The following TPM2 variants were observed in gnomAD, a reference collection of about 807,000 sequenced individuals.
The protein encoded by TPM2 is tropomyosin 2.
A neutral mutation model predicts 41.0 loss-of-function variants in TPM2; 26 were observed. The observed-to-expected ratio is 0.63, with a 90% CI of 0.46 to 0.88. The LOEUF (loss-of-function observed/expected upper bound fraction) is 0.88, where lower values mean the gene tolerates loss of function less well. TPM2 is among the 40% of genes least tolerant of loss of function. The probability of loss-of-function intolerance (pLI) is 0.00; values close to 1 mark genes in which losing one functional copy is unlikely to be tolerated. For synonymous variants in TPM2, 143 were observed against 139.3 expected, an observed-to-expected ratio of 1.03 and a Z score of -0.19; for missense variants, 187 against 355.2, an observed-to-expected ratio of 0.53 and a Z score of 3.81.
At chr9:35,689,585 C>T (rs1010914137) in intron 1 of TPM2, 119 bp downstream of exon 1, 1 of 1,563,344 alleles carries the variant, frequency 6.4e-7, no homozygotes, top group South Asian at 1.1e-5. Context: ...GAAGGCCCAG[C>T]CCCCACCCTG....
intron 2 of TPM2, 44 bp downstream of exon 2, chr9:35,689,102 C>G: frequency 1.2e-6 from 2 of 1,613,316 alleles, no homozygotes; most frequent in Non-Finnish European, 1.7e-6. Context: ...GGGCCCCTTC[C>G]CAGAGCCCTA....
chr9:35,682,421 C>G, downstream of TPM2: 1 of 1,270,900 alleles, frequency 7.9e-7, no homozygotes, highest in South Asian at 1.6e-5. Flanking sequence ...ACTACTTTAT[C>G]CTCTTCTTTA....
chr9:35,689,880 G>A lies in TPM2; in HGVS notation c.-63C>T, dbSNP rs1319112277. The A allele has an allele frequency of 7.5e-6, 12 of 1,610,316 alleles. No individual in the cohort carries two copies. The highest frequency in any genetic ancestry group is 9.3e-6 in the Non-Finnish European group (11 of 1,178,806). ...GGACCGGACGGACTGGGCTGGGTGA[G>A]CGGACTGGGTGCACCGGTGGCAGGC... On this transcript the variant is annotated 5_prime_UTR_variant, in exon 1 of 9. Transcript: ENST00000645482.
chr9:35,689,643 G>A (rs1249479488), intron 1 of TPM2, 61 bp downstream of exon 1: 1 of 1,602,870 alleles, frequency 6.2e-7, no homozygotes, highest in Non-Finnish European at 8.5e-7. Flanking sequence ...GGGACCCATG[G>A]CAGCGGCCCA....
At chr9:35,689,039 G>T in intron 2 of TPM2, 107 bp downstream of exon 2, 2 of 1,316,574 alleles carry the variant, frequency 1.5e-6, no homozygotes, top group African/African-American at 1.4e-5. Context: ...CTCTCCTGGC[G>T]CTGGGGACAT....
At position 35,684,795 on chromosome 9, in the gene TPM2, G is replaced by T; in HGVS notation, c.576C>A (p.Asp192Glu). 1 of 1,608,994 alleles carries T rather than the reference G, an allele frequency of 6.2e-7. No homozygotes were observed. Among genetic ancestry groups the T allele is most frequent in the Non-Finnish European group, 8.5e-7 (1 of 1,179,012 alleles). The part of the protein sequence containing the change: ...RAEVAESKCG[D>E]LEEELKIVTN... ...TAACAATTTTCAGCTCCTCCTCTAG[G>T]TCCCCACATTTACTGCAGGGGGTGT... Residue 192 changes from aspartate to glutamate, a missense_variant, in exon 6 of 9, where the codon GAC becomes GAA. Physicochemically the swap from Asp to Glu is conservative, Grantham distance 45. Transcript: ENST00000645482.
chr9:35,684,906 A>C, intron 5 of TPM2, 99 bp from the exon 6 acceptor site: 4 of 1,611,020 alleles, frequency 2.5e-6, no homozygotes, highest in Non-Finnish European at 3.4e-6. Context: ...AGAGAAGAGA[A>C]GAGCAAAGTT....
chr9:35,689,635 G>C lies in TPM2; in HGVS notation c.114+69C>G, dbSNP rs1256537457. ...TTGGCGGGCAGGCCCGGGGCTGGGG[G>C]ACCCATGGCAGCGGCCCACCCTTGC... On this transcript the variant is annotated intron_variant, in intron 1 of 8. Transcript: ENST00000645482. The C allele has an allele frequency of 4.4e-6, 7 of 1,601,050 alleles. No homozygotes were observed. In the East Asian group the frequency reaches 1.3e-4, roughly 31 times the overall value.
At chr9:35,682,523 CCTG>C, downstream of TPM2, 4 of 1,256,918 alleles carry the variant, frequency 3.2e-6, no homozygotes, top group Non-Finnish European at 4.1e-6. Flanking sequence ...AGAAAACAGA[CCTG>C]CTGCTGCAGT....
chr9:35,684,998 T>A, intron 5 of TPM2, 191 bp from the exon 6 acceptor site: 1 of 1,614,076 alleles, frequency 6.2e-7, no homozygotes, highest in South Asian at 1.1e-5. Flanking sequence ...CCTGCGGTGC[T>A]GAGACGGAGG....
intron 6 of TPM2, 81 bp downstream of exon 6, chr9:35,684,651 A>G: frequency 1.2e-6 from 2 of 1,612,926 alleles, no homozygotes; most frequent in Non-Finnish European, 1.7e-6. Context: ...TCCGTTGAAC[A>G]CCCAGCCCCT....
Position 35,689,923 on chromosome 9 carries a change from A to C in TPM2, c.-106T>G, listed in dbSNP as rs1453686904. On this transcript the variant is annotated 5_prime_UTR_variant, in exon 1 of 9. Transcript: ENST00000645482. ...TGGCAGGCGAGGAGGACGGAGCGGGACTGGGACGTCCCGGCCACGCGGGCG... is the reference window on the plus strand; with the variant it reads ...TGGCAGGCGAGGAGGACGGAGCGGGCCTGGGACGTCCCGGCCACGCGGGCG... 11 of 1,594,326 alleles carry C rather than the reference A, an allele frequency of 6.9e-6. No homozygotes were observed. The highest frequency in any genetic ancestry group is 8.5e-6 in the Non-Finnish European group (10 of 1,172,774).
downstream of TPM2, chr9:35,682,441 AG>A (rs1824617801): frequency 1.3e-5 from 17 of 1,297,664 alleles, no homozygotes; most frequent in Non-Finnish European, 1.6e-5. Context: ...AGAAGGTTTA[AG>A]GAAGTTGGAG....
Position 35,684,443 on chromosome 9 carries a change from T to C in TPM2, c.702+45A>G, listed in dbSNP as rs773068087. The C allele has an allele frequency of 1.9e-6, 3 of 1,613,544 alleles. No individual in the cohort carries two copies. In the South Asian group the frequency reaches 3.3e-5, roughly 18 times the overall value. On this transcript the variant is annotated intron_variant, in intron 7 of 8. Coordinates refer to ENST00000645482, the MANE Select transcript of TPM2 (RefSeq NM_003289.4). Reference sequence around the variant, plus strand: ...GCCACAGGCCGTCTCTGGCAAGGATTAGGGTGGCTTGAGGGGAGACTGGGA... The same window carrying C: ...GCCACAGGCCGTCTCTGGCAAGGATCAGGGTGGCTTGAGGGGAGACTGGGA...
At position 35,689,223 on chromosome 9, in the gene TPM2, C is replaced by T. The variant is rs759551228; in HGVS notation, c.163G>A (p.Asp55Asn). ...ALQKKLKGTE[D>N]EVEKYSESVK... ...GATTCAGAATACTTTTCCACCTCAT[C>T]CTCTGTCCCCTTCAGCTTCTTCTGG... is the stretch of plus-strand genomic sequence containing the variant. Residue 55 changes from aspartate (D) to asparagine (N), a missense_variant, in exon 2 of 9, where the codon GAT becomes AAT. By Grantham distance (23) the Asp-to-Asn change is conservative. Transcript: ENST00000645482. 25 of 1,614,098 alleles carry T rather than the reference C, an allele frequency of 1.5e-5. No individual in the cohort carries two copies. Among genetic ancestry groups the T allele is most frequent in the Non-Finnish European group, 1.9e-5 (23 of 1,180,034 alleles).
chr9:35,685,579 G>A lies in TPM2; in HGVS notation c.375-28C>T, dbSNP rs1314365260. 1 of 1,614,176 alleles carries A rather than the reference G, an allele frequency of 6.2e-7. No homozygotes were observed. Among genetic ancestry groups the A allele is most frequent in the East Asian group, 2.2e-5 (1 of 44,876 alleles). On this transcript the variant is annotated intron_variant, in intron 3 of 8. Coordinates refer to ENST00000645482, the MANE Select transcript of TPM2 (RefSeq NM_003289.4). This position sits in a 1 kb window ranked among gnomAD's most constrained non-coding sequence, Gnocchi z 5.0. ...GAAAGGCAGGGAGAGGGTGAGCGTA[G>A]GGTCAGGACCAGCAGAGACAGGCTC...
chr9:35,687,577 C>T (rs1028036090), intron 2 of TPM2, among the ~76,000 whole-genome samples: 2 of 151,974 alleles, frequency 1.3e-5, no homozygotes, highest in African/African-American at 2.4e-5. Flanking sequence ...GGTAGCTTGT[C>T]TTCCAGGTGC....
upstream of TPM2, chr9:35,689,931 G>A (rs1825163745): frequency 3.1e-6 from 5 of 1,589,334 alleles, no homozygotes; most frequent in Non-Finnish European, 4.3e-6. Flanking sequence ...GGACTGGGAC[G>A]TCCCGGCCAC....
At chr9:35,686,636 CAAAAAA>C (rs11408936) in intron 2 of TPM2, among the ~76,000 whole-genome samples, 1 of 104,412 alleles carries the variant, frequency 9.6e-6, no homozygotes, top group Non-Finnish European at 1.8e-5. Flanking sequence ...GATCCCATCT[CAAAAAA>C]AAAAAAAAAA....
Sources: gnomAD v4.1 joint callset for allele counts (sites outside exome capture counted in the v4.1 genomes callset) on GRCh38, gnomAD v4.1.1 for gene constraint, Gnocchi (gnomAD v3.1) non-coding constraint, MANE v1.5 for transcripts, NCBI Gene and HGNC (gene_info 2026-07-23, HGNC 2026-07-21) for gene names.